TBC1D19: variants seen among roughly 807,000 people sequenced by gnomAD.
TBC1D19 encodes the protein TBC1 domain family member 19.
A neutral mutation model predicts 89.0 loss-of-function variants in TBC1D19; 60 were observed. That is an observed-to-expected ratio of 0.67 (90% CI 0.55 to 0.84). The LOEUF is 0.84. Among genes scored for constraint, TBC1D19 ranks in the 40% least tolerant of loss-of-function variants. The probability of loss-of-function intolerance (pLI) is 0.00; values close to 1 mark genes in which losing one functional copy is unlikely to be tolerated. For synonymous variants in TBC1D19, 189 were observed against 199.7 expected (o/e 0.95, Z 0.45); for missense variants, 500 against 610.8 (o/e 0.82, Z 1.91).
intron 16 of TBC1D19, among the ~76,000 whole-genome samples, chr4:26,738,851 C>G (rs1718189309): frequency 6.6e-6 from 1 of 151,864 alleles, no homozygotes; most frequent in Admixed American, 6.6e-5. Flanking sequence ...ACTATTTTTC[C>G]TTTTACTTTG....
intron 13 of TBC1D19, among the ~76,000 whole-genome samples, chr4:26,694,984 A>G (rs1714636544): frequency 6.6e-6 from 1 of 152,230 alleles, no homozygotes; most frequent in Non-Finnish European, 1.5e-5. Flanking sequence ...AAGTCAGAGC[A>G]CCACTCCCCT....
intron 18 of TBC1D19, among the ~76,000 whole-genome samples, chr4:26,746,884 C>T (rs1171216586): frequency 2.0e-5 from 3 of 152,016 alleles, no homozygotes; most frequent in African/African-American, 7.2e-5. Flanking sequence ...CGCTGTGATA[C>T]CAGGACAGTC....
chr4:26,739,502 C>T (rs1264831255), intron 16 of TBC1D19, among the ~76,000 whole-genome samples: 1 of 151,688 alleles, frequency 6.6e-6, no homozygotes, highest in Non-Finnish European at 1.5e-5. Context: ...AATAAGCTGC[C>T]TGGTTGTTAT....
chr4:26,843,895 G>C, the TBC1D19 span, among the ~76,000 whole-genome samples: 1 of 152,262 alleles, frequency 6.6e-6, no homozygotes, highest in East Asian at 1.9e-4. Context: ...AAGAGAAAGA[G>C]AGTGTGGAAG....
At chr4:26,706,365 A>T (rs1715738192) in intron 13 of TBC1D19, among the ~76,000 whole-genome samples, 1 of 152,074 alleles carries the variant, frequency 6.6e-6, no homozygotes, top group Admixed American at 6.6e-5. Flanking sequence ...CTTTAGAGTC[A>T]GTGGTAATAT....
the TBC1D19 span, among the ~76,000 whole-genome samples, chr4:26,856,784 AAT>A: frequency 6.6e-6 from 1 of 152,234 alleles, no homozygotes; most frequent in Non-Finnish European, 1.5e-5. Context: ...TCATGTGATC[AAT>A]AATATTCATG....
chr4:26,608,713 A>T (rs1451585224), intron 1 of TBC1D19, among the ~76,000 whole-genome samples: 1 of 152,104 alleles, frequency 6.6e-6, no homozygotes, highest in East Asian at 1.9e-4. Flanking sequence ...GATTTAGTAC[A>T]TTTGAATAAT....
the TBC1D19 span, among the ~76,000 whole-genome samples, chr4:26,761,245 C>T: frequency 7.9e-5 from 12 of 152,150 alleles, no homozygotes; most frequent in Non-Finnish European, 1.3e-4. Context: ...AAAAAGTCTG[C>T]GTTAATTTTT....
chr4:26,657,233 C>G (rs1744914204), intron 7 of TBC1D19, among the ~76,000 whole-genome samples: 1 of 151,926 alleles, frequency 6.6e-6, no homozygotes, highest in African/African-American at 2.4e-5. Flanking sequence ...TGTCCCTCCC[C>G]TTGCCTCTGA....
the TBC1D19 span, among the ~76,000 whole-genome samples, chr4:26,784,269 A>G: frequency 2.0e-5 from 3 of 152,154 alleles, no homozygotes; most frequent in African/African-American, 7.2e-5. Flanking sequence ...GTTACCCAGA[A>G]TCCCAGGAGA....
intron 7 of TBC1D19, among the ~76,000 whole-genome samples, chr4:26,645,934 T>C (rs1560441738): frequency 1.3e-5 from 2 of 151,354 alleles, no homozygotes; most frequent in Admixed American, 6.6e-5. Context: ...CCATCCCGGC[T>C]AAAACGGTGA....
At chr4:26,697,908 T>C (rs188858461) in intron 13 of TBC1D19, among the ~76,000 whole-genome samples, 2,336 of 152,174 alleles carry the variant, frequency 0.015, 53 homozygotes, top group African/African-American at 0.051. Context: ...CAATATCATA[T>C]TGAATGGGCA....
the TBC1D19 span, among the ~76,000 whole-genome samples, chr4:26,833,117 G>A: frequency 1.3e-5 from 2 of 152,156 alleles, no homozygotes; most frequent in African/African-American, 2.4e-5. Context: ...TCAAGGAGGT[G>A]AAATCGTAGT....
intron 11 of TBC1D19, among the ~76,000 whole-genome samples, chr4:26,676,171 A>C (rs981083381): frequency 6.6e-6 from 1 of 152,146 alleles, no homozygotes; most frequent in African/African-American, 2.4e-5. Context: ...GGTTCTTACA[A>C]CCTTACATTG....
intron 13 of TBC1D19, among the ~76,000 whole-genome samples, chr4:26,717,579 C>T (rs1038728931): frequency 2.6e-5 from 4 of 152,052 alleles, no homozygotes; most frequent in African/African-American, 9.7e-5. Flanking sequence ...CTGCACTTCC[C>T]AAATTGCTCT....
the TBC1D19 span, among the ~76,000 whole-genome samples, chr4:26,815,643 A>G: frequency 6.6e-6 from 1 of 152,228 alleles, no homozygotes; most frequent in African/African-American, 2.4e-5. Flanking sequence ...TTTGTTGTAC[A>G]AAATATGTAC....
chr4:26,664,115 C>T (rs1711573142), intron 8 of TBC1D19, among the ~76,000 whole-genome samples: 1 of 152,182 alleles, frequency 6.6e-6, no homozygotes, highest in Non-Finnish European at 1.5e-5. Context: ...CTTCCAAGAG[C>T]TGCAGGCTAG....
chr4:26,604,884 AAAT>A (rs148779244), intron 1 of TBC1D19, among the ~76,000 whole-genome samples: 111,835 of 149,468 alleles, frequency 0.75, 42,324 homozygotes, highest in Middle Eastern at 0.86. Flanking sequence ...AATCCATCTC[AAAT>A]AATAATAATA....
chr4:26,617,152 G>T (rs978554139), intron 3 of TBC1D19, among the ~76,000 whole-genome samples: 1 of 152,198 alleles, frequency 6.6e-6, no homozygotes, highest in African/African-American at 2.4e-5. Flanking sequence ...CCAGCATCTG[G>T]TGAGAGCCTT....
Sources: allele counts gnomAD v4.1 joint callset (sites outside exome capture counted in the v4.1 genomes callset), GRCh38; gene constraint gnomAD v4.1.1; transcripts MANE v1.5; gene names NCBI Gene and HGNC (gene_info 2026-07-23, HGNC 2026-07-21).